The following RALGPS1 variants were observed in gnomAD, a reference collection of about 807,000 sequenced individuals.
RALGPS1 encodes the protein ras-specific guanine nucleotide-releasing factor RalGPS1.
In RALGPS1, 19 loss-of-function variants were observed where a neutral mutation model predicts 78.8. That is an observed-to-expected ratio of 0.24 (90% confidence interval 0.17 to 0.35). The LOEUF (loss-of-function observed/expected upper bound fraction) is 0.35. Among genes scored for constraint, RALGPS1 ranks in the 10% least tolerant of loss-of-function variants. The pLI is 1.00. For synonymous variants in RALGPS1, 228 were observed against 256.3 expected, an observed-to-expected ratio of 0.89 and a Z score of 1.06; for missense variants, 454 against 688.3, an observed-to-expected ratio of 0.66 and a Z score of 3.81.
At chr9:127,126,479 C>T (rs1226593083) in intron 8 of RALGPS1, among the ~76,000 whole-genome samples, 1 of 152,092 alleles carries the variant, frequency 6.6e-6, no homozygotes, top group East Asian at 1.9e-4. Context: ...AATTATCTCT[C>T]CCCTCTCCTT....
chr9:127,182,317 C>T (rs1347983626), intron 11 of RALGPS1, among the ~76,000 whole-genome samples: 1 of 151,162 alleles, frequency 6.6e-6, no homozygotes, highest in Non-Finnish European at 1.5e-5. Context: ...TACCTACCTT[C>T]CTTCCTTCCT....
intron 8 of RALGPS1, among the ~76,000 whole-genome samples, chr9:127,109,955 C>T (rs73595428): frequency 0.017 from 2,565 of 152,270 alleles, 81 homozygotes; most frequent in African/African-American, 0.058. Flanking sequence ...CTTGCCCACT[C>T]GAGGGCCTTG....
intron 11 of RALGPS1, chr9:127,178,078 C>G: frequency 7.4e-7 from 1 of 1,343,424 alleles, no homozygotes; most frequent in Non-Finnish European, 1.0e-6. Flanking sequence ...GGCTAAAGGG[C>G]ATGGGGAAGA....
chr9:127,058,069 A>G (rs1282035528), intron 7 of RALGPS1, among the ~76,000 whole-genome samples: 2 of 152,196 alleles, frequency 1.3e-5, no homozygotes, highest in African/African-American at 4.8e-5. Flanking sequence ...ACAAAAAAGA[A>G]CCAGTCGTGC....
rs1450738589 is a variant in RALGPS1 at position 127,183,830 on chromosome 9, C to T, written c.910+9048C>T. 3.9e-6 allele frequency: 6 copies of T among 1,525,994 alleles called. No individual in the cohort carries two copies. Among genetic ancestry groups the T allele is most frequent in the Non-Finnish European group, 5.3e-6 (6 of 1,134,460 alleles). 94.5% of individuals were successfully genotyped at this position (1,525,994 alleles called of 1,614,324 possible). On this transcript the variant is annotated intron_variant, in intron 11 of 18. Transcript: ENST00000259351. This position sits in a 1 kb window ranked among gnomAD's most constrained non-coding sequence, Gnocchi z 4.0. ...CAGGGATAGGAGGCCAGTTGTGGCC[C>T]ATTACTCTGGGATTTCACATCTCCT...
chr9:126,951,879 T>C (rs1248213710), intron 1 of RALGPS1, among the ~76,000 whole-genome samples: 2 of 152,178 alleles, frequency 1.3e-5, no homozygotes, highest in East Asian at 3.8e-4. Flanking sequence ...GAAGTCAAAT[T>C]GTCCCTGTTT....
At chr9:126,932,686 G>A (rs2035895755) in intron 1 of RALGPS1, among the ~76,000 whole-genome samples, 1 of 151,616 alleles carries the variant, frequency 6.6e-6, no homozygotes, top group Non-Finnish European at 1.5e-5. Flanking sequence ...ATTATATAAT[G>A]TACATTATAA....
At chr9:126,991,591 A>C (rs538038222) in intron 4 of RALGPS1, among the ~76,000 whole-genome samples, 135 of 152,288 alleles carry the variant, frequency 8.9e-4, no homozygotes, top group African/African-American at 3.2e-3. Context: ...ACATGATCCC[A>C]GGAAGTTTGG....
intron 14 of RALGPS1, among the ~76,000 whole-genome samples, chr9:127,209,293 C>CA (rs1199426119): frequency 6.6e-6 from 1 of 152,238 alleles, no homozygotes; most frequent in African/African-American, 2.4e-5. Flanking sequence ...CTAGTGCACT[C>CA]ACTTGCGAGG....
chr9:126,963,238 A>G (rs2039086019), intron 2 of RALGPS1, among the ~76,000 whole-genome samples: 1 of 152,190 alleles, frequency 6.6e-6, no homozygotes, highest in African/African-American at 2.4e-5. Flanking sequence ...GAAAGTTATA[A>G]TACCCGAAAT....
At chr9:126,964,691 A>G (rs904571153) in intron 2 of RALGPS1, among the ~76,000 whole-genome samples, 3 of 149,938 alleles carry the variant, frequency 2.0e-5, no homozygotes, top group Non-Finnish European at 3.0e-5. Context: ...TAGTAGACTC[A>G]TTTTAAAATC....
chr9:127,062,325 C>T (rs1314727320), intron 7 of RALGPS1, among the ~76,000 whole-genome samples: 1 of 152,148 alleles, frequency 6.6e-6, no homozygotes, highest in Non-Finnish European at 1.5e-5. Context: ...GTCTCGATCT[C>T]CTGACCTTGT....
Position 127,035,874 on chromosome 9 carries a change from C to T in RALGPS1, c.300+1360C>T, listed in dbSNP as rs115338581. 2.0e-4 allele frequency among the ~76,000 whole-genome samples: 31 copies of T among 151,944 alleles called. No individual in the cohort carries two copies. In the South Asian group the frequency reaches 6.0e-3, roughly 30 times the overall value. ...TTCTTTTTTCTTTGTTTTGAAAAAT[C>T]GTCTCTTTTCAACTGAGCTTAGTCT... On this transcript the variant is annotated intron_variant, in intron 5 of 18. Transcript: ENST00000259351.
chr9:127,152,095 C>T (rs1373950819), intron 8 of RALGPS1, among the ~76,000 whole-genome samples: 1 of 152,106 alleles, frequency 6.6e-6, no homozygotes, highest in African/African-American at 2.4e-5. Flanking sequence ...ATCGCATCCA[C>T]CCGCAGTTTC....
rs1175728089 is a variant in RALGPS1, at chr9:127,198,881, T to C, written c.1196-134T>C. The C allele has an allele frequency of 5.0e-6, 4 of 795,516 alleles. No individual in the cohort carries two copies. The East Asian group carries it at 9.8e-5, about 19-fold the overall frequency. The allele number at this position is 795,516 out of a possible 1,614,324, so 49.3% of individuals were successfully genotyped here. A position where few individuals can be genotyped will look rare whatever the true frequency, so the allele number is the denominator to read the frequency against. On this transcript the variant is annotated intron_variant, in intron 13 of 18. Transcript: ENST00000259351. ...AACTCACAGCAAAAACTCGAGTACGTTGAGGCTCCCAATGTCAGGAAGCAG... is the reference window on the plus strand; with the variant it reads ...AACTCACAGCAAAAACTCGAGTACGCTGAGGCTCCCAATGTCAGGAAGCAG...
At chr9:127,138,141 C>T (rs189631632) in intron 8 of RALGPS1, among the ~76,000 whole-genome samples, 20 of 152,282 alleles carry the variant, frequency 1.3e-4, no homozygotes, top group Admixed American at 1.2e-3. Context: ...GAGGCCTCCC[C>T]GGGTAGCGAA....
chr9:127,195,331 G>A, intron 12 of RALGPS1, 114 bp downstream of exon 12: 1 of 1,388,166 alleles, frequency 7.2e-7, no homozygotes, highest in Non-Finnish European at 9.7e-7. Context: ...TGTTCTGGGA[G>A]TTGCTGATGA....
chr9:127,212,823 C>T lies in RALGPS1; in HGVS notation c.1446+104C>T, dbSNP rs1361598674. ...GTGGGAAAGGGATCTGTGTGAACTG[C>T]GGAGGATGCAGGTGGGAAGGCGGCA... On this transcript the variant is annotated intron_variant, in intron 16 of 18. Transcript: ENST00000259351. The surrounding 1 kb of genome is among the most constrained non-coding windows in gnomAD (Gnocchi z 6.0). 18 of 1,541,136 alleles carry T rather than the reference C, an allele frequency of 1.2e-5. No individual in the cohort carries two copies. The highest frequency in any genetic ancestry group is 1.7e-4 in the Middle Eastern group (1 of 5,900).
chr9:127,195,073 T>TCTCTGCTCTGTTTGCAGGTCC lies in RALGPS1; in HGVS notation c.911-10_921dup. 6.2e-7 allele frequency: 1 copy of TCTCTGCTCTGTTTGCAGGTCC among 1,612,764 alleles called. No homozygotes were observed. Among genetic ancestry groups the TCTCTGCTCTGTTTGCAGGTCC allele is most frequent in the Non-Finnish European group, 8.5e-7 (1 of 1,179,630 alleles). Reference sequence around the variant, plus strand: ...CCCATCATAACCCCCGTTGTTGCTCTCTCTGCTCTGTTTGCAGGTCCCTCT... The same window carrying TCTCTGCTCTGTTTGCAGGTCC: ...CCCATCATAACCCCCGTTGTTGCTCTCTCTGCTCTGTTTGCAGGTCCCTCTGCTCTGTTTGCAGGTCCCTCT... On this transcript the variant is annotated splice_polypyrimidine_tract_variant and intron_variant, in intron 11 of 18. Coordinates refer to ENST00000259351, the MANE Select transcript of RALGPS1 (RefSeq NM_014636.3).
Sources: allele counts gnomAD v4.1 joint callset (sites outside exome capture counted in the v4.1 genomes callset), GRCh38; gene constraint gnomAD v4.1.1; non-coding constraint Gnocchi (gnomAD v3.1); transcripts MANE v1.5; gene names NCBI Gene and HGNC (gene_info 2026-07-23, HGNC 2026-07-21).